ABHD2: variants seen among roughly 807,000 people sequenced by gnomAD.
ABHD2 encodes the protein monoacylglycerol lipase ABHD2.
ABHD2 carries 20 observed loss-of-function variants against 48.1 expected under a neutral mutation model. That is an observed-to-expected ratio of 0.42 (90% CI 0.29 to 0.60). ABHD2 has a LOEUF of 0.60. Among genes scored for constraint, ABHD2 ranks in the 20% least tolerant of loss-of-function variants. ABHD2 has a pLI of 0.24. For synonymous variants in ABHD2, 209 were observed against 214.2 expected, an observed-to-expected ratio of 0.98 and a Z score of 0.21; for missense variants, 405 against 550.9, an observed-to-expected ratio of 0.74 and a Z score of 2.65.
In ABHD2 at chr15:89,201,917, C is replaced by T. The variant is rs1019656374; in HGVS notation, c.*6494C>T. Reference sequence around the variant, plus strand: ...CTTTTCCTGGTTAGACTCTGTTCAACCACATTCTTATGTTGGCAGATCTGC... The same window carrying T: ...CTTTTCCTGGTTAGACTCTGTTCAATCACATTCTTATGTTGGCAGATCTGC... On this transcript the variant is annotated 3_prime_UTR_variant, in exon 11 of 11. Coordinates refer to ENST00000352732, the MANE Select transcript of ABHD2 (RefSeq NM_152924.5). 1 of 576,812 alleles carries T rather than the reference C, an allele frequency of 1.7e-6. No homozygotes were observed. The highest frequency in any genetic ancestry group is 1.9e-5 in the African/African-American group (1 of 52,762). 35.7% of individuals were successfully genotyped at this position (576,812 alleles called of 1,614,324 possible).
chr15:89,084,830 C>T (rs1901328037), upstream of ABHD2, among the ~76,000 whole-genome samples: 1 of 152,088 alleles, frequency 6.6e-6, no homozygotes, highest in African/African-American at 2.4e-5. This position sits in a 1 kb window ranked among gnomAD's most constrained non-coding sequence, Gnocchi z 4.4. Context: ...TCAAAGGACC[C>T]CATGAGACAA....
At chr15:89,141,291 G>A (rs763482135) in intron 3 of ABHD2, among the ~76,000 whole-genome samples, 7 of 152,022 alleles carry the variant, frequency 4.6e-5, no homozygotes, top group Non-Finnish European at 8.8e-5. Flanking sequence ...TGACAGTTTC[G>A]CCTTTTAACT....
intron 9 of ABHD2, among the ~76,000 whole-genome samples, chr15:89,191,623 T>C (rs1200921313): frequency 2.8e-5 from 4 of 141,834 alleles, no homozygotes; most frequent in Non-Finnish European, 4.5e-5. Flanking sequence ...ATGTCTATTT[T>C]TTTCTTTTTT....
At chr15:89,041,591 A>G in the ABHD2 span, among the ~76,000 whole-genome samples, 2 of 152,226 alleles carry the variant, frequency 1.3e-5, no homozygotes, top group Non-Finnish European at 2.9e-5. Context: ...CATTGGCTGG[A>G]AGACCTGAGC....
chr15:89,064,771 A>T, the ABHD2 span, among the ~76,000 whole-genome samples: 1 of 152,322 alleles, frequency 6.6e-6, no homozygotes, highest in Non-Finnish European at 1.5e-5. Context: ...TCAGTGATGA[A>T]CAATCTTTCC....
At chr15:89,139,919 A>G (rs1191262759) in intron 3 of ABHD2, among the ~76,000 whole-genome samples, 2 of 152,168 alleles carry the variant, frequency 1.3e-5, no homozygotes, top group Non-Finnish European at 2.9e-5. Context: ...AGCAGAGGAC[A>G]TCACCAGCCA....
intron 1 of ABHD2, among the ~76,000 whole-genome samples, chr15:89,109,092 G>C (rs2049832712): frequency 1.3e-5 from 2 of 152,206 alleles, no homozygotes; most frequent in African/African-American, 4.8e-5. Context: ...CCCCAGACTG[G>C]AGCTTTTCCC....
chr15:89,101,891 G>A (rs1396589491), intron 1 of ABHD2, among the ~76,000 whole-genome samples: 2 of 152,196 alleles, frequency 1.3e-5, no homozygotes, highest in African/African-American at 4.8e-5. Context: ...CCATGGGTCA[G>A]GTTACTTGTA....
rs951959433 is a variant in ABHD2 at position 89,168,585 on chromosome 15, G to T, written c.539-7227G>T. ...AGCAGTCTGTCTGACATCAGGCAGG[G>T]TTGGCCCTTTATCCAGATCAGATGT... On this transcript the variant is annotated intron_variant, in intron 5 of 10. Transcript: ENST00000352732. This position sits in a 1 kb window ranked among gnomAD's most constrained non-coding sequence, Gnocchi z 4.8. 6.6e-6 allele frequency among the ~76,000 whole-genome samples: 1 copy of T among 152,182 alleles called. No individual in the cohort carries two copies. Among genetic ancestry groups the T allele is most frequent in the Admixed American group, 6.5e-5 (1 of 15,288 alleles).
At position 89,189,504 on chromosome 15, in the gene ABHD2, A is replaced by T. The variant is rs1373600294; in HGVS notation, c.926+1201A>T. ...CAGAGCAAGGCCCTGTCCCTAAAAT[A>T]TAAAAAATAAATTATTTGATATTTT... On this transcript the variant is annotated intron_variant, in intron 8 of 10. Transcript: ENST00000352732. The surrounding 1 kb of genome is among the most constrained non-coding windows in gnomAD (Gnocchi z 4.9). 6.6e-6 allele frequency among the ~76,000 whole-genome samples: 1 copy of T among 152,230 alleles called. No homozygotes were observed. Among genetic ancestry groups the T allele is most frequent in the African/African-American group, 2.4e-5 (1 of 41,462 alleles).
rs193145752 is a variant in ABHD2, at chr15:89,177,053, A to G, written c.722+1058A>G. On this transcript the variant is annotated intron_variant, in intron 6 of 10. Transcript: ENST00000352732. The surrounding 1 kb of genome is among the most constrained non-coding windows in gnomAD (Gnocchi z 5.6). ...TGGGCCCAGGATTCAGCCTCTCCCT[A>G]TGAGGCTTAAAGCTGGCTGAAAAAG... is the stretch of plus-strand genomic sequence containing the variant. 9.2e-5 allele frequency among the ~76,000 whole-genome samples: 14 copies of G among 152,304 alleles called. No homozygotes were observed. Among genetic ancestry groups the G allele is most frequent in the South Asian group, 2.1e-4 (1 of 4,826 alleles).
the ABHD2 span, chr15:89,075,188 A>C: frequency 3.0e-4 from 46 of 152,292 alleles, no homozygotes; most frequent in African/African-American, 1.1e-3. This position sits in a 1 kb window ranked among gnomAD's most constrained non-coding sequence, Gnocchi z 4.1. Flanking sequence ...GCTATCATGT[A>C]AGTAAGGCAA....
intron 3 of ABHD2, among the ~76,000 whole-genome samples, chr15:89,140,476 T>C (rs1324568952): frequency 6.6e-6 from 1 of 152,214 alleles, no homozygotes; most frequent in Non-Finnish European, 1.5e-5. Flanking sequence ...TTTTTAACGT[T>C]ACAATATAGT....
chr15:89,149,215 A>ACACACG (rs2050549797), intron 3 of ABHD2, among the ~76,000 whole-genome samples: 1 of 33,180 alleles, frequency 3.0e-5, no homozygotes, highest in South Asian at 1.2e-3. Context: ...TTGATCCCTA[A>ACACACG]CACACACACA....
At position 89,179,903 on chromosome 15, in the gene ABHD2, A is replaced by G. The variant is rs767659874; in HGVS notation, c.722+3908A>G. Among the ~76,000 whole-genome samples the G allele has an allele frequency of 6.6e-6, 1 of 152,232 alleles. No homozygotes were observed. Among genetic ancestry groups the G allele is most frequent in the Non-Finnish European group, 1.5e-5 (1 of 68,030 alleles). On this transcript the variant is annotated intron_variant, in intron 6 of 10. Coordinates refer to ENST00000352732, the MANE Select transcript of ABHD2 (RefSeq NM_152924.5). This position sits in a 1 kb window ranked among gnomAD's most constrained non-coding sequence, Gnocchi z 4.3. ...ATTCTTTGAGCAAGGCCTTCCTGCC[A>G]TGGGGAAGAGGCAGGTACCACTTTT... is the stretch of plus-strand genomic sequence containing the variant.
the ABHD2 span, among the ~76,000 whole-genome samples, chr15:89,058,837 A>G: frequency 2.6e-4 from 40 of 151,420 alleles, no homozygotes; most frequent in Non-Finnish European, 5.5e-4. Flanking sequence ...CAGCAATCCA[A>G]CGTTGGACAG....
At chr15:89,113,094 ACTAGGCT>A (rs1344773352) in intron 1 of ABHD2, among the ~76,000 whole-genome samples, 1 of 152,186 alleles carries the variant, frequency 6.6e-6, no homozygotes, top group Non-Finnish European at 1.5e-5. Flanking sequence ...AGCTTCTTGC[ACTAGGCT>A]CAGCTCAGGT....
rs2050335389 is a variant in ABHD2, at chr15:89,137,562, T to G, written c.195-14115T>G. On this transcript the variant is annotated intron_variant, in intron 3 of 10. Coordinates refer to ENST00000352732, the MANE Select transcript of ABHD2 (RefSeq NM_152924.5). The surrounding 1 kb of genome is among the most constrained non-coding windows in gnomAD (Gnocchi z 4.8). ...AACCAGTTCGGGAACGGAAGAGGAT[T>G]GCTCTTTTGTTTCCTCAGGCCACTT... Among the ~76,000 whole-genome samples the G allele has an allele frequency of 2.0e-5, 3 of 152,190 alleles. No individual in the cohort carries two copies. The South Asian group carries it at 6.2e-4, about 32-fold the overall frequency.
At chr15:89,165,730 A>G (rs1395257612) in intron 5 of ABHD2, among the ~76,000 whole-genome samples, 1 of 152,254 alleles carries the variant, frequency 6.6e-6, no homozygotes, top group Non-Finnish European at 1.5e-5. Flanking sequence ...TGTATTTATT[A>G]TAAAGAGCCT....
Sources: allele counts gnomAD v4.1 joint callset (sites outside exome capture counted in the v4.1 genomes callset), GRCh38; gene constraint gnomAD v4.1.1; non-coding constraint Gnocchi (gnomAD v3.1); transcripts MANE v1.5; gene names NCBI Gene and HGNC (gene_info 2026-07-23, HGNC 2026-07-21).